Variants in DLG4 observed in about 807,000 individuals in gnomAD.
DLG4 encodes the protein discs large MAGUK scaffold protein 4.
Under a neutral mutation model 93.8 loss-of-function variants are expected in DLG4, and 7 were observed. The ratio of observed to expected loss-of-function variants is 0.07; its 90% confidence interval spans 0.04 to 0.14. DLG4 has a LOEUF of 0.14. Among genes scored for constraint, DLG4 ranks in the 10% least tolerant of loss-of-function variants. DLG4 has a pLI of 1.00. For missense variants in DLG4, 545 were observed against 992.9 expected (o/e 0.55, Z 6.06); for synonymous variants, 341 against 387.6 (o/e 0.88, Z 1.41).
In DLG4 at chr17:7,195,239, G is replaced by T. The variant is rs1368916461; in HGVS notation, c.1302-744C>A. 6.6e-6 allele frequency among the ~76,000 whole-genome samples: 1 copy of T among 152,162 alleles called. No individual in the cohort carries two copies. Among genetic ancestry groups the T allele is most frequent in the Non-Finnish European group, 1.5e-5 (1 of 68,042 alleles). On this transcript the variant is annotated intron_variant, in intron 11 of 19. Coordinates refer to ENST00000399506, the MANE Select transcript of DLG4 (RefSeq NM_001321075.3). This position sits in a 1 kb window ranked among gnomAD's most constrained non-coding sequence, Gnocchi z 4.3. The stretch of plus-strand genomic sequence containing the variant: ...CCAGGGAAGTAATGAAGACACAGAA[G>T]AAAGCAATGGGCCTGGAGAGGAGGG...
In DLG4 at chr17:7,203,997, A is replaced by G. The variant is rs755225664; in HGVS notation, c.210+11T>C. 6.8e-6 allele frequency: 11 copies of G among 1,610,748 alleles called. No individual in the cohort carries two copies. The highest frequency in any genetic ancestry group is 9.3e-6 in the Non-Finnish European group (11 of 1,178,548). On this transcript the variant is annotated intron_variant, in intron 4 of 19. Transcript: ENST00000399506. The surrounding 1 kb of genome is among the most constrained non-coding windows in gnomAD (Gnocchi z 7.2). ...AGGCCACGGGGACTGCCGATGGAGG[A>G]GCCTGCTCACCCTTTCCAATGTGAT... is the stretch of plus-strand genomic sequence containing the variant.
chr17:7,214,446 C>G (rs1448772422), intron 1 of DLG4, among the ~76,000 whole-genome samples: 1 of 152,192 alleles, frequency 6.6e-6, no homozygotes, highest in East Asian at 1.9e-4. Context: ...CACTTCCCGC[C>G]CGTTCGCTCC....
chr17:7,202,774 G>T, intron 8 of DLG4, 129 bp downstream of exon 8: 1 of 1,126,364 alleles, frequency 8.9e-7, no homozygotes, highest in Non-Finnish European at 1.3e-6. Context: ...ACAACAGCAA[G>T]GATCAGAGGT....
intron 1 of DLG4, among the ~76,000 whole-genome samples, chr17:7,214,202 C>A (rs1282317148): frequency 3.3e-5 from 5 of 152,150 alleles, no homozygotes; most frequent in Admixed American, 1.3e-4. Flanking sequence ...CTTCCCAACC[C>A]CCGGATTCTC....
chr17:7,196,722 G>C lies in DLG4; in HGVS notation c.1083+35C>G. ...AGCTCTGCGCTCTGCCCTGTGGGGAGGGGGTGGTGCAGGTAGGGGCAGGCC... is the reference window on the plus strand; with the variant it reads ...AGCTCTGCGCTCTGCCCTGTGGGGACGGGGTGGTGCAGGTAGGGGCAGGCC... On this transcript the variant is annotated intron_variant, in intron 9 of 19. Coordinates refer to ENST00000399506, the MANE Select transcript of DLG4 (RefSeq NM_001321075.3). The surrounding 1 kb of genome is among the most constrained non-coding windows in gnomAD (Gnocchi z 8.3). 1 of 1,585,042 alleles carries C rather than the reference G, an allele frequency of 6.3e-7. No individual in the cohort carries two copies. The highest frequency in any genetic ancestry group is 8.6e-7 in the Non-Finnish European group (1 of 1,165,592).
intron 1 of DLG4, 57 bp downstream of exon 1, chr17:7,217,061 C>T (rs2070949316): frequency 8.0e-7 from 1 of 1,251,462 alleles, no homozygotes; most frequent in Middle Eastern, 2.1e-4. Context: ...GGCCTACTAA[C>T]CCCTCCCCAC....
In DLG4 at chr17:7,193,167, G is replaced by A. The variant is rs1318099889; in HGVS notation, c.1694-50C>T. 2 of 1,604,484 alleles carry A rather than the reference G, an allele frequency of 1.2e-6. No individual in the cohort carries two copies. The highest frequency in any genetic ancestry group is 4.5e-5 in the East Asian group (2 of 44,774). ...CAAAGATCTAACCACCATCCCTCTAGCTTAAATCCTGCCTACTTCAATCAA... is the reference window on the plus strand; with the variant it reads ...CAAAGATCTAACCACCATCCCTCTAACTTAAATCCTGCCTACTTCAATCAA... On this transcript the variant is annotated intron_variant, in intron 16 of 19. Transcript: ENST00000399506. This position sits in a 1 kb window ranked among gnomAD's most constrained non-coding sequence, Gnocchi z 6.7.
intron 1 of DLG4, 82 bp downstream of exon 1, chr17:7,217,036 G>A (rs768198413): frequency 1.7e-6 from 2 of 1,198,252 alleles, no homozygotes; most frequent in African/African-American, 1.6e-5. Context: ...CTCCAGGGGC[G>A]CCAGTCCCAG....
chr17:7,195,740 T>G lies in DLG4; in HGVS notation c.1301+480A>C, dbSNP rs1268357537. Among the ~76,000 whole-genome samples the G allele has an allele frequency of 6.6e-6, 1 of 151,828 alleles. No homozygotes were observed. Among genetic ancestry groups the G allele is most frequent in the Non-Finnish European group, 1.5e-5 (1 of 67,980 alleles). ...CCCGGGGGCGGGAGAGAGGTGTGTT[T>G]TGGCAGAAACCTAAGCCACAAAAAG... On this transcript the variant is annotated intron_variant, in intron 11 of 19. Coordinates refer to ENST00000399506, the MANE Select transcript of DLG4 (RefSeq NM_001321075.3). The surrounding 1 kb of genome is among the most constrained non-coding windows in gnomAD (Gnocchi z 4.3).
At position 7,217,535 on chromosome 17, in the gene DLG4, C is replaced by T. The variant is rs977112573; in HGVS notation, c.-388G>A. ...GGGGGTCTTGCCAAACGGCCAGGGG[C>T]TAGGGGCCGTGGCGGGGGAGTGGGG... On this transcript the variant is annotated 5_prime_UTR_variant, in exon 1 of 20. Coordinates refer to ENST00000399506, the MANE Select transcript of DLG4 (RefSeq NM_001321075.3). 12 of 438,512 alleles carry T rather than the reference C, an allele frequency of 2.7e-5. No individual in the cohort carries two copies. The highest frequency in any genetic ancestry group is 1.2e-3 in the Middle Eastern group (1 of 862). 27.2% of individuals were successfully genotyped at this position (438,512 alleles called of 1,614,324 possible).
At chr17:7,213,310 G>A (rs952810659) in intron 1 of DLG4, among the ~76,000 whole-genome samples, 3 of 151,912 alleles carry the variant, frequency 2.0e-5, no homozygotes, top group Non-Finnish European at 4.4e-5. Context: ...ATGTTGGCCA[G>A]GCTGGTCTCG....
At chr17:7,200,643 T>G (rs35497958) in intron 8 of DLG4, among the ~76,000 whole-genome samples, 6 of 144,958 alleles carry the variant, frequency 4.1e-5, no homozygotes, top group East Asian at 2.1e-4. Context: ...GCCTCCCAGG[T>G]TCAAGCAATT....
At chr17:7,204,103 A>T (rs889616620) in intron 3 of DLG4, 36 bp from the exon 4 acceptor site, 19 of 1,602,802 alleles carry the variant, frequency 1.2e-5, no homozygotes, top group Non-Finnish European at 1.5e-5. Context: ...AGTGAGACAG[A>T]CATTCCTGTC....
At chr17:7,216,364 C>T (rs943868341) in intron 1 of DLG4, among the ~76,000 whole-genome samples, 2 of 152,160 alleles carry the variant, frequency 1.3e-5, no homozygotes, top group Non-Finnish European at 2.9e-5. Context: ...CCCTCTCTCC[C>T]TAAGCCTCTC....
Position 7,191,166 on chromosome 17 carries a change from G to A in DLG4, c.2068+101C>T. On this transcript the variant is annotated intron_variant, in intron 19 of 19. Coordinates refer to ENST00000399506, the MANE Select transcript of DLG4 (RefSeq NM_001321075.3). This position sits in a 1 kb window ranked among gnomAD's most constrained non-coding sequence, Gnocchi z 6.6. The stretch of plus-strand genomic sequence containing the variant: ...TGAGCCACCATGCCGCGCCCACAGG[G>A]GCACCTCTTTCTAAGCCATCCACTG... The A allele has an allele frequency of 1.7e-6, 2 of 1,144,418 alleles. No individual in the cohort carries two copies. The highest frequency in any genetic ancestry group is 2.6e-6 in the Non-Finnish European group (2 of 775,154). The allele number at this position is 1,144,418 out of a possible 1,614,324, so 70.9% of individuals were successfully genotyped here. A position where few individuals can be genotyped will look rare whatever the true frequency, so the allele number is the denominator to read the frequency against.
Position 7,191,819 on chromosome 17 carries a change from A to G in DLG4, c.1976+74T>C. 5 of 1,077,474 alleles carry G rather than the reference A, an allele frequency of 4.6e-6. No individual in the cohort carries two copies. In the South Asian group the frequency reaches 6.3e-5, roughly 14 times the overall value. 66.7% of individuals were successfully genotyped at this position (1,077,474 alleles called of 1,614,324 possible). A position where few individuals can be genotyped will look rare whatever the true frequency, so the allele number is the denominator to read the frequency against. ...TCCAGGGTTCTGAAGGGAGAGTTGA[A>G]CGCAGACGCCTTGTGAGGCCCAGGG... On this transcript the variant is annotated intron_variant, in intron 18 of 19. Coordinates refer to ENST00000399506, the MANE Select transcript of DLG4 (RefSeq NM_001321075.3). The surrounding 1 kb of genome is among the most constrained non-coding windows in gnomAD (Gnocchi z 6.6).
In DLG4 at chr17:7,187,451, CAGG is replaced by C. The variant is rs2069326827; in HGVS notation, c.*3254_*3256del. 6.6e-6 allele frequency among the ~76,000 whole-genome samples: 1 copy of C among 151,756 alleles called. No homozygotes were observed. Among genetic ancestry groups the C allele is most frequent in the Non-Finnish European group, 1.5e-5 (1 of 67,962 alleles). ...ATCCCAGCTACTCGGGAGGCTGAGG[CAGG>C]AGAATAGCTTGAATCCGGAAGGCAG... On this transcript the variant is annotated 3_prime_UTR_variant, in exon 20 of 20. Coordinates refer to ENST00000399506, the MANE Select transcript of DLG4 (RefSeq NM_001321075.3).
At chr17:7,218,591 GC>G, upstream of DLG4, 1 of 1,566,444 alleles carries the variant, frequency 6.4e-7, no homozygotes, top group South Asian at 1.2e-5. Context: ...GAGTGGGGGT[GC>G]CCACCGCAGC....
Position 7,193,926 on chromosome 17 carries a change from T to G in DLG4, c.1515+38A>C. 6.2e-7 allele frequency: 1 copy of G among 1,613,454 alleles called. No individual in the cohort carries two copies. Among genetic ancestry groups the G allele is most frequent in the Non-Finnish European group, 8.5e-7 (1 of 1,179,686 alleles). ...GTTATGAGCTCAGCTCCATGAGCCCTCACACTTCCACCCAGGCTCACACCC... is the reference window on the plus strand; with the variant it reads ...GTTATGAGCTCAGCTCCATGAGCCCGCACACTTCCACCCAGGCTCACACCC... On this transcript the variant is annotated intron_variant, in intron 13 of 19. Coordinates refer to ENST00000399506, the MANE Select transcript of DLG4 (RefSeq NM_001321075.3). This position sits in a 1 kb window ranked among gnomAD's most constrained non-coding sequence, Gnocchi z 6.7.
Sources: gnomAD v4.1 joint callset for allele counts (sites outside exome capture counted in the v4.1 genomes callset) on GRCh38, gnomAD v4.1.1 for gene constraint, Gnocchi (gnomAD v3.1) non-coding constraint, MANE v1.5 for transcripts, NCBI Gene and HGNC (gene_info 2026-07-23, HGNC 2026-07-21) for gene names.